The following CDS2 variants were observed in gnomAD, a reference collection of about 807,000 sequenced individuals.
The protein encoded by CDS2 is CDP-diacylglycerol synthase 2.
A neutral mutation model predicts 59.0 loss-of-function variants in CDS2; 47 were observed. That is an observed-to-expected ratio of 0.80 (90% CI 0.63 to 1.02). CDS2 has a LOEUF of 1.02. Among genes scored for constraint, CDS2 ranks in the 50% least tolerant of loss-of-function variants. The pLI is 0.00. For missense variants in CDS2, 356 were observed against 558.9 expected (o/e 0.64, Z 3.66); for synonymous variants, 207 against 206.4 (o/e 1.00, Z -0.02).
rs370172531 is a variant in CDS2 at position 5,190,162 on chromosome 20, C to T, written c.1266C>T (p.Leu422=). The change falls in exon 13 of 13, where the codon CTC becomes CTT. Residue 422 remains leucine (L), a synonymous_variant. Coordinates refer to ENST00000460006, the MANE Select transcript of CDS2 (RefSeq NM_003818.4). ...QFLTLRPDQQ[L]HIFNTLRSHL... is the part of the protein sequence containing the mutation. Reference sequence around the variant, plus strand: ...TGACTTTACGGCCAGATCAGCAGCTCCACATCTTCAACACGCTGCGGTCTC... The same window carrying T: ...TGACTTTACGGCCAGATCAGCAGCTTCACATCTTCAACACGCTGCGGTCTC... 7 of 1,614,010 alleles carry T rather than the reference C, an allele frequency of 4.3e-6. No individual in the cohort carries two copies. Among genetic ancestry groups the T allele is most frequent in the Non-Finnish European group, 1.7e-6 (2 of 1,179,922 alleles).
At chr20:5,169,028 G>T (rs2090935247) in intron 1 of CDS2, among the ~76,000 whole-genome samples, 1 of 152,222 alleles carries the variant, frequency 6.6e-6, no homozygotes, top group African/African-American at 2.4e-5. Flanking sequence ...AAGTGCTTCT[G>T]CCTTTCTCTA....
rs2091053872 is a variant in CDS2 at position 5,184,580 on chromosome 20, T to G, written c.672-278T>G. 1.3e-5 allele frequency among the ~76,000 whole-genome samples: 2 copies of G among 152,248 alleles called. No homozygotes were observed. Among genetic ancestry groups the G allele is most frequent in the African/African-American group, 4.8e-5 (2 of 41,458 alleles). On this transcript the variant is annotated intron_variant, in intron 7 of 12. Transcript: ENST00000460006. The surrounding 1 kb of genome is among the most constrained non-coding windows in gnomAD (Gnocchi z 4.3). ...TTACAATTAAATTTCTCTCATTGTTTACGTATATTTCTTTATCATGAAAAA... is the reference window on the plus strand; with the variant it reads ...TTACAATTAAATTTCTCTCATTGTTGACGTATATTTCTTTATCATGAAAAA...
intron 1 of CDS2, among the ~76,000 whole-genome samples, chr20:5,145,899 C>CTACA (rs1167122246): frequency 6.8e-6 from 1 of 146,404 alleles, no homozygotes; most frequent in Non-Finnish European, 1.5e-5. Flanking sequence ...TTATGGCTTA[C>CTACA]TACAGCCTTG....
chr20:5,135,254 A>G (rs1202218159), intron 1 of CDS2, among the ~76,000 whole-genome samples: 2 of 152,186 alleles, frequency 1.3e-5, no homozygotes, highest in African/African-American at 4.8e-5. Flanking sequence ...CAGGGCAGAT[A>G]ATCATCCTTT....
intron 3 of CDS2, 55 bp downstream of exon 3, chr20:5,175,334 G>A (rs1354808226): frequency 2.2e-5 from 31 of 1,412,208 alleles, no homozygotes; most frequent in East Asian, 4.6e-5. Context: ...CTGCAGGCCC[G>A]GTTGTCTTAA....
chr20:5,188,218 A>C (rs140629491), intron 10 of CDS2, among the ~76,000 whole-genome samples: 55 of 152,332 alleles, frequency 3.6e-4, no homozygotes, highest in African/African-American at 1.3e-3. Context: ...ATGCATGGGT[A>C]AAAGATCCGT....
At position 5,189,192 on chromosome 20, in the gene CDS2, A is replaced by G; in HGVS notation, c.1101+6A>G. ...AACGAGCCTTTAAAATCAAAGTAGG[A>G]AAACCGTCTTACGTTCCTCTCATCT... On this transcript the variant is annotated splice_donor_region_variant and intron_variant, in intron 11 of 12. Transcript: ENST00000460006. 1 of 1,614,030 alleles carries G rather than the reference A, an allele frequency of 6.2e-7. No individual in the cohort carries two copies. The highest frequency in any genetic ancestry group is 8.5e-7 in the Non-Finnish European group (1 of 1,179,934).
chr20:5,164,187 T>C (rs2090896992), intron 1 of CDS2, among the ~76,000 whole-genome samples: 1 of 152,132 alleles, frequency 6.6e-6, no homozygotes, highest in Non-Finnish European at 1.5e-5. Context: ...CTCCCTTGAA[T>C]AGTTACAGTC....
chr20:5,172,414 A>G (rs933818815), intron 1 of CDS2, among the ~76,000 whole-genome samples: 1 of 152,238 alleles, frequency 6.6e-6, no homozygotes, highest in East Asian at 1.9e-4. Flanking sequence ...CAATAAAAAA[A>G]GGAAGGCAGA....
At chr20:5,145,929 C>A (rs1266798573) in intron 1 of CDS2, among the ~76,000 whole-genome samples, 13 of 151,094 alleles carry the variant, frequency 8.6e-5, no homozygotes, top group Non-Finnish European at 4.4e-5. Flanking sequence ...ACTCAGTCAA[C>A]CCTCCCATCT....
intron 4 of CDS2, among the ~76,000 whole-genome samples, chr20:5,178,394 G>A (rs1296450175): frequency 6.6e-6 from 1 of 152,162 alleles, no homozygotes; most frequent in African/African-American, 2.4e-5. Flanking sequence ...AAAAAGGCAG[G>A]AGAACAGCAG....
At chr20:5,140,372 AG>A (rs1319642727) in intron 1 of CDS2, among the ~76,000 whole-genome samples, 1 of 152,238 alleles carries the variant, frequency 6.6e-6, no homozygotes, top group Non-Finnish European at 1.5e-5. Context: ...GTAAATTTGT[AG>A]CCACTCTGAA....
Position 5,184,991 on chromosome 20 carries a change from G to A in CDS2, c.759+46G>A. 7.2e-7 allele frequency: 1 copy of A among 1,381,440 alleles called. No homozygotes were observed. The highest frequency in any genetic ancestry group is 1.0e-6 in the Non-Finnish European group (1 of 968,142). The allele number at this position is 1,381,440 out of a possible 1,614,324, so 85.6% of individuals were successfully genotyped here. ...TGAAATACCACTGTGAGGGGAGGGT[G>A]GTGCTCTCAATGTGAGTAGATCAGC... On this transcript the variant is annotated intron_variant, in intron 8 of 12. Transcript: ENST00000460006. The surrounding 1 kb of genome is among the most constrained non-coding windows in gnomAD (Gnocchi z 4.3).
chr20:5,190,053 G>C (rs2091101107), intron 12 of CDS2, 49 bp from the exon 13 acceptor site: 2 of 1,599,340 alleles, frequency 1.3e-6, no homozygotes, highest in African/African-American at 2.7e-5. Context: ...TCAGGCCCTG[G>C]AAGCTTCCGG....
chr20:5,177,115 A>G (rs2091000315), intron 4 of CDS2, among the ~76,000 whole-genome samples: 1 of 152,238 alleles, frequency 6.6e-6, no homozygotes, highest in South Asian at 2.1e-4. Context: ...AAGAAACCAG[A>G]TGGGCTGCAT....
chr20:5,142,445 TA>T (rs11476644), intron 1 of CDS2, among the ~76,000 whole-genome samples: 3,888 of 145,936 alleles, frequency 0.027, 55 homozygotes, highest in South Asian at 0.043. Flanking sequence ...AGACTCCATC[TA>T]AAAAAAAAAA....
intron 1 of CDS2, among the ~76,000 whole-genome samples, chr20:5,157,063 A>G (rs1306966741): frequency 1.3e-5 from 2 of 152,192 alleles, no homozygotes; most frequent in East Asian, 1.9e-4. Flanking sequence ...GAACAAAGCT[A>G]GGTAGTAAGA....
chr20:5,170,241 C>T (rs574646389), intron 1 of CDS2, among the ~76,000 whole-genome samples: 1 of 117,802 alleles, frequency 8.5e-6, no homozygotes, highest in Non-Finnish European at 1.9e-5. Flanking sequence ...CATCTCCCCA[C>T]CTCGCTGTGC....
intron 1 of CDS2, among the ~76,000 whole-genome samples, chr20:5,172,110 C>T (rs1036846662): frequency 3.3e-5 from 5 of 152,164 alleles, no homozygotes; most frequent in Non-Finnish European, 7.3e-5. Flanking sequence ...ACACCTGGAC[C>T]TAATTCTTCT....
Sources: allele counts gnomAD v4.1 joint callset (sites outside exome capture counted in the v4.1 genomes callset), GRCh38; gene constraint gnomAD v4.1.1; non-coding constraint Gnocchi (gnomAD v3.1); transcripts MANE v1.5; gene names NCBI Gene and HGNC (gene_info 2026-07-23, HGNC 2026-07-21).